The following MARCHF1 variants were observed in gnomAD, a reference collection of about 807,000 sequenced individuals.
MARCHF1 encodes the protein membrane associated ring-CH-type finger 1.
In MARCHF1, 40 loss-of-function variants were observed where a neutral mutation model predicts 54.2. The observed-to-expected ratio is 0.74, with a 90% CI of 0.57 to 0.96. MARCHF1 has a LOEUF of 0.96. MARCHF1 is among the 40% of genes least tolerant of loss of function. MARCHF1 has a pLI of 0.00. For synonymous variants in MARCHF1, 236 were observed against 236.3 expected, an observed-to-expected ratio of 1.00 and a Z score of 0.01; for missense variants, 586 against 656.5, an observed-to-expected ratio of 0.89 and a Z score of 1.17.
At chr4:163,804,301 C>A (rs1748165747) in intron 4 of MARCHF1, among the ~76,000 whole-genome samples, 1 of 152,256 alleles carries the variant, frequency 6.6e-6, no homozygotes, top group East Asian at 1.9e-4. Flanking sequence ...TGAGCCACAG[C>A]CAATTTCCTA....
chr4:164,289,567 G>T (rs1431774429), intron 1 of MARCHF1, among the ~76,000 whole-genome samples: 1 of 139,740 alleles, frequency 7.2e-6, no homozygotes, highest in African/African-American at 2.7e-5. Context: ...TGAATGAGCT[G>T]CTAGAAATAC....
chr4:163,959,734 C>T (rs1046930284), intron 3 of MARCHF1, among the ~76,000 whole-genome samples: 3 of 151,970 alleles, frequency 2.0e-5, no homozygotes, highest in African/African-American at 7.2e-5. Flanking sequence ...CTAGTCAATA[C>T]CATCCTGGAC....
At chr4:163,906,651 T>C (rs1222724251) in intron 3 of MARCHF1, among the ~76,000 whole-genome samples, 1 of 151,940 alleles carries the variant, frequency 6.6e-6, no homozygotes, top group Non-Finnish European at 1.5e-5. Flanking sequence ...CTTTTTGCAT[T>C]TTAGTTCAAG....
intron 1 of MARCHF1, among the ~76,000 whole-genome samples, chr4:164,243,483 G>A (rs1222699791): frequency 1.3e-5 from 2 of 152,128 alleles, no homozygotes; most frequent in African/African-American, 4.8e-5. Flanking sequence ...GGAACAACCA[G>A]TACCAGCCGC....
intron 5 of MARCHF1, among the ~76,000 whole-genome samples, chr4:163,621,971 C>T (rs1179505288): frequency 1.3e-5 from 2 of 151,934 alleles, no homozygotes; most frequent in Non-Finnish European, 2.9e-5. Context: ...TAATGTGGCA[C>T]CGGTGTCTTA....
At chr4:163,724,973 C>T (rs913473511) in intron 4 of MARCHF1, among the ~76,000 whole-genome samples, 3 of 152,116 alleles carry the variant, frequency 2.0e-5, no homozygotes, top group Non-Finnish European at 2.9e-5. Flanking sequence ...GGCAATGCCT[C>T]GCCCTGTTTC....
intron 2 of MARCHF1, among the ~76,000 whole-genome samples, chr4:164,026,389 A>G (rs1487387301): frequency 6.6e-6 from 1 of 152,176 alleles, no homozygotes; most frequent in South Asian, 2.1e-4. Flanking sequence ...ATACACCACA[A>G]TCAGGTAAAC....
At chr4:164,074,419 T>C (rs965230235) in intron 2 of MARCHF1, among the ~76,000 whole-genome samples, 1 of 152,188 alleles carries the variant, frequency 6.6e-6, no homozygotes, top group African/African-American at 2.4e-5. Flanking sequence ...AAAAATAAAA[T>C]GTATCATATC....
In MARCHF1 at chr4:163,528,767, G is replaced by A. The variant is rs770644830; in HGVS notation, c.1619C>T (p.Pro540Leu). ...GTTCCATCAGACTGATACAACTTCAGGGGGGCCACCCTCTGCAGATGGCAG... is the reference window on the plus strand; with the variant it reads ...GTTCCATCAGACTGATACAACTTCAAGGGGGCCACCCTCTGCAGATGGCAG... ...NSLPSAEGGP[P>L]EVVSV is the part of the protein sequence containing the mutation. Residue 540 changes from proline (P) to leucine (L), a missense_variant, in exon 10 of 10, where the codon CCT (proline) becomes CTT (leucine). Physicochemically the swap from Pro to Leu is moderately conservative, Grantham distance 98. This residue lies in a region of MARCHF1 where 106 missense variants were observed against 93.8 expected (regional missense o/e 1.13). Transcript: ENST00000514618. 3 of 1,611,204 alleles carry A rather than the reference G, an allele frequency of 1.9e-6. No individual in the cohort carries two copies. Among genetic ancestry groups the A allele is most frequent in the South Asian group, 1.1e-5 (1 of 90,814 alleles).
intron 1 of MARCHF1, among the ~76,000 whole-genome samples, chr4:164,135,731 G>A (rs1287526497): frequency 6.6e-6 from 1 of 152,184 alleles, no homozygotes; most frequent in African/African-American, 2.4e-5. Context: ...ACAAAAATAA[G>A]TTACTTAATG....
In MARCHF1 at chr4:163,524,852, G is replaced by A. The variant is rs1282230228; in HGVS notation, c.*3896C>T. On this transcript the variant is annotated 3_prime_UTR_variant, in exon 10 of 10. Transcript: ENST00000514618. ...AAGAGAATTATGTAAAACCAAAATA[G>A]TACAAATGCCTAATTTCAAAAACTG... The A allele has an allele frequency of 2.0e-5, 3 of 152,100 alleles. No homozygotes were observed. The highest frequency in any genetic ancestry group is 7.2e-5 in the African/African-American group (3 of 41,438). The allele number at this position is 152,100 out of a possible 1,614,324, so 9.4% of individuals were successfully genotyped here. A position where few individuals can be genotyped will look rare whatever the true frequency, so the allele number is the denominator to read the frequency against.
chr4:163,541,041 T>A (rs867297940), intron 9 of MARCHF1, among the ~76,000 whole-genome samples: 37 of 151,982 alleles, frequency 2.4e-4, no homozygotes, highest in Middle Eastern at 3.4e-3. Context: ...AAAAAAAAAA[T>A]AACTAGTCAG....
intron 8 of MARCHF1, among the ~76,000 whole-genome samples, chr4:163,573,449 C>G (rs1739913910): frequency 7.1e-6 from 1 of 141,774 alleles, no homozygotes; most frequent in Non-Finnish European, 1.5e-5. Context: ...TCTCCCAGTG[C>G]TATCCCTCCC....
intron 4 of MARCHF1, among the ~76,000 whole-genome samples, chr4:163,717,330 C>T (rs1745296477): frequency 6.6e-6 from 1 of 151,638 alleles, no homozygotes; most frequent in African/African-American, 2.4e-5. Flanking sequence ...ATGAACTCAT[C>T]ATTTTTTATG....
At chr4:164,341,589 T>C (rs894483543) in intron 1 of MARCHF1, among the ~76,000 whole-genome samples, 7 of 152,216 alleles carry the variant, frequency 4.6e-5, no homozygotes, top group African/African-American at 1.4e-4. Flanking sequence ...CAGATTTTTG[T>C]CACTCATGAG....
intron 5 of MARCHF1, among the ~76,000 whole-genome samples, chr4:163,620,921 C>T (rs188836318): frequency 8.6e-4 from 131 of 152,230 alleles, no homozygotes; most frequent in African/African-American, 1.4e-3. Context: ...TCTTTGGTCA[C>T]GTTGATGATG....
intron 1 of MARCHF1, among the ~76,000 whole-genome samples, chr4:164,156,565 A>C (rs932148329): frequency 6.6e-6 from 1 of 152,102 alleles, no homozygotes; most frequent in African/African-American, 2.4e-5. Flanking sequence ...CTGGGACTAC[A>C]GGCACACACC....
At chr4:164,294,806 TA>T (rs1334747171) in intron 1 of MARCHF1, among the ~76,000 whole-genome samples, 1 of 152,202 alleles carries the variant, frequency 6.6e-6, no homozygotes, top group Non-Finnish European at 1.5e-5. Flanking sequence ...CATTAATGAC[TA>T]TAAGTAATTG....
At position 163,749,586 on chromosome 4, in the gene MARCHF1, G is replaced by T. The variant is rs116061541; in HGVS notation, c.112-48723C>A. 7.3e-3 allele frequency among the ~76,000 whole-genome samples: 1,106 copies of T among 151,892 alleles called. 8 individuals are homozygous for T. The highest frequency in any genetic ancestry group is 0.02 in the South Asian group (98 of 4,808). ...TTGTAGATGGTCTTTATCAAATTGG[G>T]GGAATATCTCTTTTCTATTCCTAGT... On this transcript the variant is annotated intron_variant, in intron 4 of 9. Coordinates refer to ENST00000514618, the MANE Select transcript of MARCHF1 (RefSeq NM_001394959.1).
Sources: allele counts gnomAD v4.1 joint callset (sites outside exome capture counted in the v4.1 genomes callset), GRCh38; gene constraint gnomAD v4.1.1; regional missense constraint gnomAD v4.1.1; transcripts MANE v1.5; gene names NCBI Gene and HGNC (gene_info 2026-07-23, HGNC 2026-07-21).